Variants in EFCAB6 observed in about 807,000 individuals in gnomAD.
EFCAB6 encodes EF-hand calcium binding domain 6.
Under a neutral mutation model 169.8 loss-of-function variants are expected in EFCAB6, and 156 were observed. The ratio of observed to expected loss-of-function variants is 0.92; its 90% CI spans 0.81 to 1.05. The LOEUF is 1.05. Among genes scored for constraint, EFCAB6 ranks in the 50% least tolerant of loss-of-function variants. The probability of loss-of-function intolerance (pLI) is 0.00; values close to 1 mark genes in which losing one functional copy is unlikely to be tolerated. For synonymous variants in EFCAB6, 698 were observed against 676.4 expected (o/e 1.03, Z -0.50); for missense variants, 1,800 against 1,829.1 (o/e 0.98, Z 0.29).
intron 27 of EFCAB6, among the ~76,000 whole-genome samples, chr22:43,551,299 C>T (rs2048363123): frequency 6.6e-6 from 1 of 152,200 alleles, no homozygotes; most frequent in South Asian, 2.1e-4. Flanking sequence ...TGTTGATCAG[C>T]CCATCCAGGG....
At position 43,632,106 on chromosome 22, in the gene EFCAB6, C is replaced by T. The variant is rs376577614; in HGVS notation, c.2231G>A (p.Arg744Gln). The T allele has an allele frequency of 8.7e-5, 140 of 1,613,758 alleles. No homozygotes were observed. The Middle Eastern group carries it at 1.7e-3, about 19-fold the overall frequency. Reference sequence around the variant, plus strand: ...CAGCGCCAGACAGTCACGGTTTACCCGGAATGACTCCTTCAGCCTCCTAGG... The same window carrying T: ...CAGCGCCAGACAGTCACGGTTTACCTGGAATGACTCCTTCAGCCTCCTAGG... ...LFPRRLKESF[R>Q]DPYSAFFKTD... is the part of the protein sequence containing the mutation. Residue 744 changes from arginine (R) to glutamine (Q), a missense_variant and splice_region_variant, in exon 19 of 32, where the codon CGG (arginine) becomes CAG (glutamine). Physicochemically the swap from Arg to Gln is conservative, Grantham distance 43. Coordinates refer to ENST00000262726, the MANE Select transcript of EFCAB6 (RefSeq NM_022785.4).
intron 21 of EFCAB6, among the ~76,000 whole-genome samples, chr22:43,612,348 TAAAG>T (rs1353308237): frequency 6.6e-6 from 1 of 152,068 alleles, no homozygotes; most frequent in African/African-American, 2.4e-5. Context: ...AAACTATCAA[TAAAG>T]AGACAACCTA....
chr22:43,640,747 A>G (rs1168520550), intron 17 of EFCAB6, among the ~76,000 whole-genome samples: 1 of 152,146 alleles, frequency 6.6e-6, no homozygotes, highest in African/African-American at 2.4e-5. Flanking sequence ...ATTTTCCAGG[A>G]CCTTCAGGCA....
chr22:43,571,406 T>C (rs977478186), intron 26 of EFCAB6, among the ~76,000 whole-genome samples: 1 of 152,218 alleles, frequency 6.6e-6, no homozygotes, highest in African/African-American at 2.4e-5. Flanking sequence ...ACTTACCTCC[T>C]GTGCATCCCC....
intron 26 of EFCAB6, among the ~76,000 whole-genome samples, chr22:43,571,507 T>C (rs554294298): frequency 1.3e-5 from 2 of 152,290 alleles, no homozygotes; most frequent in East Asian, 3.9e-4. Context: ...TTCTCTTCTA[T>C]TAGAAAAACA....
chr22:43,618,220 A>AAGAAAGAG (rs1569257492), intron 20 of EFCAB6, among the ~76,000 whole-genome samples: 7 of 120,818 alleles, frequency 5.8e-5, no homozygotes, highest in South Asian at 3.1e-4. Context: ...GAAAGAAAGA[A>AAGAAAGAG]AGAGAAAGAA....
rs202197148 is a variant in EFCAB6 at position 43,687,447 on chromosome 22, G to T, written c.1142+24C>A. 755 of 833,564 alleles carry T rather than the reference G, an allele frequency of 9.1e-4. 1 individual carries two copies. Among genetic ancestry groups the T allele is most frequent in the South Asian group, 2.1e-3 (87 of 42,294 alleles). 51.6% of individuals were successfully genotyped at this position (833,564 alleles called of 1,614,324 possible). On this transcript the variant is annotated intron_variant, in intron 11 of 31. Transcript: ENST00000262726. ...ATTATGATATGTGTAACTAAAATTT[G>T]TTTTTTTTTTTTTTTTTACATACCT...
At chr22:43,599,002 T>TG (rs2052274570) in intron 23 of EFCAB6, among the ~76,000 whole-genome samples, 1 of 152,190 alleles carries the variant, frequency 6.6e-6, no homozygotes, top group Non-Finnish European at 1.5e-5. Context: ...CCAAATCCAG[T>TG]GGGGTACCTT....
At chr22:43,808,946 A>G (rs2063014461) in intron 2 of EFCAB6, 49 bp downstream of exon 2, 1 of 152,352 alleles carries the variant, frequency 6.6e-6, no homozygotes, top group East Asian at 1.9e-4. Context: ...CACCATTTAC[A>G]ACGTCCCAGG....
intron 5 of EFCAB6, among the ~76,000 whole-genome samples, chr22:43,760,359 TCTAA>T (rs1162815190): frequency 2.0e-5 from 3 of 152,220 alleles, no homozygotes; most frequent in Non-Finnish European, 2.9e-5. Flanking sequence ...TTGGTGTCAG[TCTAA>T]CTGTCACTCC....
chr22:43,749,375 C>G (rs537125645), intron 6 of EFCAB6, among the ~76,000 whole-genome samples: 1 of 152,212 alleles, frequency 6.6e-6, no homozygotes, highest in African/African-American at 2.4e-5. Context: ...CCCCTAGTAG[C>G]TTTCAATCCT....
At chr22:43,556,073 A>G (rs1351755681) in intron 26 of EFCAB6, among the ~76,000 whole-genome samples, 4 of 152,188 alleles carry the variant, frequency 2.6e-5, no homozygotes, top group Non-Finnish European at 4.4e-5. Flanking sequence ...GACAATTGCA[A>G]GGGGCCTTAT....
intron 20 of EFCAB6, among the ~76,000 whole-genome samples, chr22:43,625,258 G>A (rs73887360): frequency 0.035 from 5,262 of 152,142 alleles, 277 homozygotes; most frequent in African/African-American, 0.12. Context: ...AGGTAGATGC[G>A]ATACCTGTCT....
At chr22:43,564,674 A>C (rs2049309740) in intron 26 of EFCAB6, among the ~76,000 whole-genome samples, 1 of 152,128 alleles carries the variant, frequency 6.6e-6, no homozygotes, top group African/African-American at 2.4e-5. Flanking sequence ...CCTAAGGGTC[A>C]AGAGAACCTG....
intron 17 of EFCAB6, among the ~76,000 whole-genome samples, chr22:43,641,315 G>C (rs2055782662): frequency 6.6e-6 from 1 of 152,150 alleles, no homozygotes; most frequent in Non-Finnish European, 1.5e-5. Flanking sequence ...GAAGGAGTTG[G>C]AATATTAAGA....
chr22:43,717,421 G>A (rs1309892057), intron 8 of EFCAB6, among the ~76,000 whole-genome samples: 1 of 148,964 alleles, frequency 6.7e-6, no homozygotes, highest in Non-Finnish European at 1.5e-5. Flanking sequence ...AATGAGTGGA[G>A]AAGAACTATT....
intron 2 of EFCAB6, among the ~76,000 whole-genome samples, chr22:43,798,987 C>T (rs968444222): frequency 6.6e-5 from 10 of 152,148 alleles, no homozygotes; most frequent in African/African-American, 2.4e-4. Flanking sequence ...CAGGATTTAC[C>T]TTTCTACAGC....
At chr22:43,712,449 C>T (rs1046269291) in intron 9 of EFCAB6, among the ~76,000 whole-genome samples, 1 of 152,024 alleles carries the variant, frequency 6.6e-6, no homozygotes, top group Non-Finnish European at 1.5e-5. Flanking sequence ...ATAAGAAACT[C>T]GATCCACTAA....
intron 26 of EFCAB6, among the ~76,000 whole-genome samples, chr22:43,566,844 G>C (rs543508901): frequency 7.4e-6 from 1 of 134,640 alleles, no homozygotes; most frequent in South Asian, 2.1e-4. Flanking sequence ...AGCAAGGGTG[G>C]AGTGGACCAC....
Sources: allele counts gnomAD v4.1 joint callset (sites outside exome capture counted in the v4.1 genomes callset), GRCh38; gene constraint gnomAD v4.1.1; transcripts MANE v1.5; gene names NCBI Gene and HGNC (gene_info 2026-07-23, HGNC 2026-07-21).